FHIT: variants seen among roughly 807,000 people sequenced by gnomAD.
FHIT encodes the protein fragile histidine triad diadenosine triphosphatase.
Under a neutral mutation model 17.9 loss-of-function variants are expected in FHIT, and 19 were observed. That is an observed-to-expected ratio of 1.06 (90% CI 0.74 to 1.56). FHIT has a LOEUF of 1.56. FHIT is among the 40% of genes most tolerant of loss of function. The pLI, the probability that FHIT is intolerant of heterozygous loss-of-function variation, is 0.00. For synonymous variants in FHIT, 81 were observed against 69.7 expected (o/e 1.16, Z -0.81); for missense variants, 248 against 189.2 (o/e 1.31, Z -1.82).
intron 4 of FHIT, among the ~76,000 whole-genome samples, chr3:60,559,213 G>T (rs933711982): frequency 6.6e-6 from 1 of 152,150 alleles, no homozygotes; most frequent in Admixed American, 6.5e-5. Context: ...ATTTTCAACT[G>T]TATGGGGAAT....
chr3:60,713,974 C>T (rs1394644531), intron 4 of FHIT, among the ~76,000 whole-genome samples: 1 of 151,734 alleles, frequency 6.6e-6, no homozygotes, highest in Non-Finnish European at 1.5e-5. Context: ...GGCAGAGACA[C>T]AACCAAAAAA....
At chr3:60,134,758 C>A (rs1699742653) in intron 5 of FHIT, among the ~76,000 whole-genome samples, 1 of 152,138 alleles carries the variant, frequency 6.6e-6, no homozygotes, top group South Asian at 2.1e-4. Flanking sequence ...TATTTCAAGT[C>A]ATCAAACGTA....
At chr3:60,837,754 T>C (rs201414871) in intron 3 of FHIT, among the ~76,000 whole-genome samples, 2 of 152,290 alleles carry the variant, frequency 1.3e-5, no homozygotes, top group East Asian at 3.9e-4. Flanking sequence ...TTATCTAAAG[T>C]GTCTTTCAGT....
intron 5 of FHIT, among the ~76,000 whole-genome samples, chr3:60,505,823 G>A (rs1000883996): frequency 3.9e-5 from 6 of 152,048 alleles, no homozygotes; most frequent in African/African-American, 1.2e-4. Context: ...TTCATCCAAC[G>A]GACAAAACCT....
chr3:61,131,917 A>C (rs920575385), intron 2 of FHIT, among the ~76,000 whole-genome samples: 1 of 152,246 alleles, frequency 6.6e-6, no homozygotes, highest in African/African-American at 2.4e-5. Context: ...GTACTAAAAT[A>C]GCCCCAGAAA....
chr3:59,982,686 C>T (rs1708706677), intron 7 of FHIT, among the ~76,000 whole-genome samples: 1 of 152,140 alleles, frequency 6.6e-6, no homozygotes, highest in African/African-American at 2.4e-5. Context: ...GTGCTTGTGG[C>T]TAACTACAAA....
At position 61,209,973 on chromosome 3, in the gene FHIT, C is replaced by G. The variant is rs377608429; in HGVS notation, c.-212-9308G>C. ...TACCTTTGGTCTTTGATGATGGTGA[C>G]GTACAGATGGGTTTTTGGTGTGGAT... On this transcript the variant is annotated intron_variant, in intron 1 of 9. Transcript: ENST00000492590. Among the ~76,000 whole-genome samples the G allele has an allele frequency of 4.0e-5, 6 of 150,020 alleles. No individual in the cohort carries two copies. In the East Asian group the frequency reaches 9.9e-4, roughly 25 times the overall value.
intron 4 of FHIT, among the ~76,000 whole-genome samples, chr3:60,739,293 C>T (rs531125097): frequency 6.6e-6 from 1 of 152,350 alleles, no homozygotes; most frequent in East Asian, 1.9e-4. Flanking sequence ...AGAGGGAGCA[C>T]TGAGCTGGTT....
At chr3:60,675,805 C>A (rs2040610273) in intron 4 of FHIT, among the ~76,000 whole-genome samples, 1 of 152,170 alleles carries the variant, frequency 6.6e-6, no homozygotes, top group African/African-American at 2.4e-5. Context: ...AATAAAGGTG[C>A]AATCACAGCA....
chr3:60,013,415 T>C (rs1296574414), intron 6 of FHIT, among the ~76,000 whole-genome samples: 3 of 152,190 alleles, frequency 2.0e-5, no homozygotes, highest in Non-Finnish European at 2.9e-5. Flanking sequence ...ATTTACTCAA[T>C]TCCCTACTGA....
chr3:59,830,112 T>C (rs1035558266), intron 8 of FHIT, among the ~76,000 whole-genome samples: 11 of 152,106 alleles, frequency 7.2e-5, no homozygotes, highest in African/African-American at 2.7e-4. Flanking sequence ...CTCAAAAGTT[T>C]ACATTAGTGG....
intron 2 of FHIT, among the ~76,000 whole-genome samples, chr3:61,185,543 C>T (rs1412957784): frequency 6.6e-6 from 1 of 152,210 alleles, no homozygotes. Flanking sequence ...CAATCCATCC[C>T]AGCCTAAGGA....
chr3:61,021,425 C>T (rs572394969), intron 3 of FHIT, among the ~76,000 whole-genome samples: 12 of 142,326 alleles, frequency 8.4e-5, no homozygotes, highest in Admixed American at 2.2e-4. Context: ...CGGTGAAACC[C>T]CGTCTCTACT....
At chr3:60,408,950 A>G (rs930248672) in intron 5 of FHIT, among the ~76,000 whole-genome samples, 2 of 152,114 alleles carry the variant, frequency 1.3e-5, no homozygotes, top group African/African-American at 4.8e-5. Context: ...ACAGCAAAAA[A>G]TTCTGTAGCA....
chr3:60,924,124 C>T (rs576857554), intron 3 of FHIT, among the ~76,000 whole-genome samples: 1 of 152,326 alleles, frequency 6.6e-6, no homozygotes, highest in Non-Finnish European at 1.5e-5. Flanking sequence ...TAGACTCCAC[C>T]TCTGGGGGCA....
intron 5 of FHIT, among the ~76,000 whole-genome samples, chr3:60,344,619 T>C (rs1018046364): frequency 1.3e-5 from 2 of 152,140 alleles, no homozygotes; most frequent in African/African-American, 4.8e-5. Flanking sequence ...ACTACATAAA[T>C]AGCTACAGGC....
chr3:61,115,713 T>C (rs955653010), intron 2 of FHIT, among the ~76,000 whole-genome samples: 1 of 152,080 alleles, frequency 6.6e-6, no homozygotes, highest in African/African-American at 2.4e-5. Context: ...TGAGAGGATA[T>C]GATGAGACAA....
chr3:60,897,270 A>G (rs897569703), intron 3 of FHIT, among the ~76,000 whole-genome samples: 2 of 152,106 alleles, frequency 1.3e-5, no homozygotes, highest in Non-Finnish European at 2.9e-5. Flanking sequence ...ATACTTAAGG[A>G]CCCTTTTTTA....
chr3:60,247,930 G>C (rs541594328), intron 5 of FHIT, among the ~76,000 whole-genome samples: 2 of 151,848 alleles, frequency 1.3e-5, no homozygotes, highest in East Asian at 3.8e-4. Context: ...ATGTAAAAGG[G>C]AACTACAAGT....
Sources: allele counts gnomAD v4.1 joint callset (sites outside exome capture counted in the v4.1 genomes callset), GRCh38; gene constraint gnomAD v4.1.1; transcripts MANE v1.5; gene names NCBI Gene and HGNC (gene_info 2026-07-23, HGNC 2026-07-21).